The following RORA variants were observed in gnomAD, a reference collection of about 807,000 sequenced individuals.
The protein encoded by RORA is RAR related orphan receptor A.
RORA carries 7 observed loss-of-function variants against 69.5 expected under a neutral mutation model. The ratio of observed to expected loss-of-function variants is 0.10; its 90% CI spans 0.06 to 0.19. The LOEUF (loss-of-function observed/expected upper bound fraction) is 0.19. Ranked by LOEUF, RORA falls within the 10% of genes least tolerant of loss-of-function variation. The pLI, the probability that RORA is intolerant of heterozygous loss-of-function variation, is 1.00. For missense variants in RORA, 457 were observed against 663.0 expected (o/e 0.69, Z 3.41); for synonymous variants, 261 against 240.8 (o/e 1.08, Z -0.78).
At chr15:60,769,819 A>G (rs760565881) in intron 1 of RORA, among the ~76,000 whole-genome samples, 1 of 151,776 alleles carries the variant, frequency 6.6e-6, no homozygotes, top group African/African-American at 2.4e-5. Flanking sequence ...TCCCCCTCCA[A>G]TTTCTTCCAA....
chr15:60,505,472 C>T (rs762562487), intron 6 of RORA, 36 bp downstream of exon 6: 6 of 1,610,010 alleles, frequency 3.7e-6, no homozygotes, highest in Non-Finnish European at 4.2e-6. Flanking sequence ...CCCAATATTG[C>T]CTCAATCCTA....
chr15:61,019,176 G>A (rs1222423002), intron 1 of RORA, among the ~76,000 whole-genome samples: 3 of 152,268 alleles, frequency 2.0e-5, no homozygotes, highest in South Asian at 2.1e-4. Flanking sequence ...CATGCCCAGC[G>A]GAATACATTA....
intron 1 of RORA, among the ~76,000 whole-genome samples, chr15:61,057,426 T>C (rs1002240705): frequency 1.3e-5 from 2 of 152,218 alleles, no homozygotes; most frequent in Non-Finnish European, 2.9e-5. Context: ...GGAATGATCA[T>C]GTTTAGAATT....
chr15:60,987,026 G>C (rs1894224748), intron 1 of RORA, among the ~76,000 whole-genome samples: 1 of 152,176 alleles, frequency 6.6e-6, no homozygotes, highest in South Asian at 2.1e-4. Flanking sequence ...CGGATGTCCA[G>C]TAATGCCAAA....
At chr15:60,936,599 C>A (rs1051761901) in intron 1 of RORA, among the ~76,000 whole-genome samples, 2 of 147,848 alleles carry the variant, frequency 1.4e-5, no homozygotes, top group Non-Finnish European at 3.0e-5. Context: ...GCTCTATCCA[C>A]CCCTGAGAGC....
rs916931773 is a variant in RORA at position 60,978,180 on chromosome 15, C to A, written c.166+250873G>T. 9.9e-4 allele frequency among the ~76,000 whole-genome samples: 150 copies of A among 152,016 alleles called. 3 individuals are homozygous for A. Among genetic ancestry groups the A allele is most frequent in the Non-Finnish European group, 2.1e-4 (14 of 68,002 alleles). On this transcript the variant is annotated intron_variant, in intron 1 of 10. Transcript: ENST00000335670. ...AAGATCATCAACATCATCATCATCA[C>A]AATCATCAACATGGCCAGCCTAGTA... is the stretch of plus-strand genomic sequence containing the variant.
chr15:61,120,555 G>C (rs1189219462), intron 1 of RORA, among the ~76,000 whole-genome samples: 1 of 151,792 alleles, frequency 6.6e-6, no homozygotes, highest in East Asian at 2.0e-4. Context: ...AAAAAAATTA[G>C]CCAGGTGTGG....
chr15:60,744,242 AAG>A (rs1449856996), intron 1 of RORA, among the ~76,000 whole-genome samples: 1 of 152,210 alleles, frequency 6.6e-6, no homozygotes, highest in African/African-American at 2.4e-5. Context: ...GACTGTAATA[AAG>A]ATATACGTTG....
chr15:60,592,327 C>A, intron 2 of RORA: 5 of 1,262,890 alleles, frequency 4.0e-6, no homozygotes, highest in Non-Finnish European at 5.1e-6. Context: ...CCTGCGCGCC[C>A]TCCTCCCCGC....
chr15:60,974,562 C>A (rs979659852), intron 1 of RORA, among the ~76,000 whole-genome samples: 5 of 152,128 alleles, frequency 3.3e-5, no homozygotes, highest in African/African-American at 1.2e-4. Context: ...TTATCAGGAC[C>A]CTTAAGAGCC....
At chr15:61,221,631 C>T (rs1288291798) in intron 1 of RORA, among the ~76,000 whole-genome samples, 2 of 152,178 alleles carry the variant, frequency 1.3e-5, no homozygotes, top group African/African-American at 4.8e-5. Flanking sequence ...TTCACACACG[C>T]CTACCACTTA....
intron 1 of RORA, among the ~76,000 whole-genome samples, chr15:60,853,591 C>T (rs2073348384): frequency 6.6e-6 from 1 of 152,298 alleles, no homozygotes; most frequent in South Asian, 2.1e-4. Context: ...TCATGACAAC[C>T]CTTTGAATTT....
chr15:61,096,111 A>G (rs949374179), intron 1 of RORA, among the ~76,000 whole-genome samples: 2 of 152,202 alleles, frequency 1.3e-5, no homozygotes, highest in African/African-American at 4.8e-5. Flanking sequence ...TTTGCAGATG[A>G]GGAAGGCAAG....
intron 1 of RORA, among the ~76,000 whole-genome samples, chr15:61,132,955 T>C (rs2079204701): frequency 6.6e-6 from 1 of 152,232 alleles, no homozygotes; most frequent in African/African-American, 2.4e-5. Context: ...TCGACTGTTG[T>C]GAAATCTGGC....
chr15:61,026,775 A>C (rs1463677765), intron 1 of RORA, among the ~76,000 whole-genome samples: 1 of 152,200 alleles, frequency 6.6e-6, no homozygotes, highest in Non-Finnish European at 1.5e-5. Context: ...TAAACTCAAA[A>C]ACCAGACACA....
chr15:61,126,998 A>C (rs1268353334), intron 1 of RORA, among the ~76,000 whole-genome samples: 3 of 152,210 alleles, frequency 2.0e-5, no homozygotes, highest in Non-Finnish European at 4.4e-5. Context: ...TTGGAGCCTC[A>C]TCCTTCTGGT....
intron 2 of RORA, among the ~76,000 whole-genome samples, chr15:60,541,661 T>TG (rs1200024469): frequency 2.0e-5 from 3 of 152,194 alleles, no homozygotes; most frequent in Admixed American, 2.0e-4. Context: ...GGAGAAGAAA[T>TG]GCTCTGGACT....
rs1387237038 is a variant in RORA at position 60,640,585 on chromosome 15, C to T, written c.196+38072G>A. 2.6e-5 allele frequency among the ~76,000 whole-genome samples: 4 copies of T among 152,188 alleles called. No individual in the cohort carries two copies. In the East Asian group the frequency reaches 7.7e-4, roughly 29 times the overall value. On this transcript the variant is annotated intron_variant, in intron 2 of 10. Transcript: ENST00000335670. The stretch of plus-strand genomic sequence containing the variant: ...TGATCAAGCCCCTGCCTACCGCTTT[C>T]CTTTTAGACTCCACTTGCTACTGCT...
At chr15:60,703,568 T>C (rs2140795905) in intron 1 of RORA, among the ~76,000 whole-genome samples, 1 of 152,230 alleles carries the variant, frequency 6.6e-6, no homozygotes, top group East Asian at 1.9e-4. Flanking sequence ...GGTGTGCAGC[T>C]TAGATGGGGA....
Sources: gnomAD v4.1 joint callset for allele counts (sites outside exome capture counted in the v4.1 genomes callset) on GRCh38, gnomAD v4.1.1 for gene constraint, MANE v1.5 for transcripts, NCBI Gene and HGNC (gene_info 2026-07-23, HGNC 2026-07-21) for gene names.